The following SOX10 variants were observed in gnomAD, a reference collection of about 807,000 sequenced individuals.
SOX10 encodes SRY-box transcription factor 10, also known as transcription factor SOX-10.
In SOX10, 3 loss-of-function variants were observed where a neutral mutation model predicts 35.0. That is an observed-to-expected ratio of 0.09 (90% confidence interval 0.04 to 0.22). The LOEUF (loss-of-function observed/expected upper bound fraction) is 0.22. Among genes scored for constraint, SOX10 ranks in the 10% least tolerant of loss-of-function variants. The pLI, the probability that SOX10 is intolerant of heterozygous loss-of-function variation, is 1.00. For synonymous variants in SOX10, 285 were observed against 291.0 expected, an observed-to-expected ratio of 0.98 and a Z score of 0.21; for missense variants, 436 against 655.1, an observed-to-expected ratio of 0.67 and a Z score of 3.65.
chr22:37,982,653 A>G (rs1487783227), intron 2 of SOX10, among the ~76,000 whole-genome samples: 2 of 152,086 alleles, frequency 1.3e-5, no homozygotes, highest in African/African-American at 4.8e-5. Flanking sequence ...CTGGCAGGGA[A>G]GATGGCGCCG....
Position 37,972,379 on chromosome 22 carries a change from G to C in SOX10, c.*1116C>G. The C allele has an allele frequency of 2.1e-6, 1 of 482,876 alleles. No individual in the cohort carries two copies. 29.9% of individuals were successfully genotyped at this position (482,876 alleles called of 1,614,324 possible). On this transcript the variant is annotated 3_prime_UTR_variant, in exon 4 of 4. Transcript: ENST00000396884. ...GAGTTAATAGGGGCTAGAGTGGCTA[G>C]GAGAGGGGACTACTGAGATAAATAA...
rs1259330404 is a variant in SOX10, at chr22:37,974,422, G to A, written c.698-224C>T. On this transcript the variant is annotated intron_variant, in intron 3 of 3. Coordinates refer to ENST00000396884, the MANE Select transcript of SOX10 (RefSeq NM_006941.4). The surrounding 1 kb of genome is among the most constrained non-coding windows in gnomAD (Gnocchi z 5.4). ...GACTGGAGTGCAGTGGCGCCATCTCGGCTCACTGCAACCTCTGCCTCCTGG... is the reference window on the plus strand; with the variant it reads ...GACTGGAGTGCAGTGGCGCCATCTCAGCTCACTGCAACCTCTGCCTCCTGG... Among the ~76,000 whole-genome samples, 2 of 149,968 alleles carry A rather than the reference G, an allele frequency of 1.3e-5. No individual in the cohort carries two copies. The highest frequency in any genetic ancestry group is 2.5e-5 in the African/African-American group (1 of 40,196).
intron 3 of SOX10, among the ~76,000 whole-genome samples, chr22:37,975,603 G>A (rs1452958734): frequency 6.6e-6 from 1 of 152,196 alleles, no homozygotes; most frequent in Non-Finnish European, 1.5e-5. Context: ...AGCTCCCCAA[G>A]GACAGGCCTG....
In SOX10 at chr22:37,973,779, G is replaced by C; in HGVS notation, c.1117C>G (p.Pro373Ala). The change falls in exon 4 of 4, where the codon CCA (proline) becomes GCA (alanine). Residue 373 changes from proline to alanine, a missense_variant. Physicochemically the swap from Pro to Ala is conservative, Grantham distance 27. Around this residue, in one of 3 missense-constraint regions of SOX10, gnomAD observed 285 missense variants for 402.9 expected, o/e 0.71. Transcript: ENST00000396884. ...PQGPPHYTDQ[P>A]STSQIAYTSL... ...GTGTAGGCGATCTGTGAGGTGGATG[G>C]CTGGTCGGTGTAGTGTGGGGGCCCC... The C allele has an allele frequency of 6.3e-7, 1 of 1,595,376 alleles. No individual in the cohort carries two copies. The highest frequency in any genetic ancestry group is 8.6e-7 in the Non-Finnish European group (1 of 1,168,342).
chr22:37,977,869 G>A lies in SOX10; in HGVS notation c.695C>T (p.Ser232Leu). The A allele has an allele frequency of 6.2e-7, 1 of 1,610,630 alleles. No individual in the cohort carries two copies. Among genetic ancestry groups the A allele is most frequent in the Non-Finnish European group, 8.5e-7 (1 of 1,178,470 alleles). The change falls in exon 3 of 4, where the codon TCA becomes TTA. Residue 232 changes from serine (S) to leucine (L), a missense_variant and splice_region_variant. Around this residue, in one of 3 missense-constraint regions of SOX10, gnomAD observed 285 missense variants for 402.9 expected, o/e 0.71. Coordinates refer to ENST00000396884, the MANE Select transcript of SOX10 (RefSeq NM_006941.4). Reference sequence around the variant, plus strand: ...TCAGCTCTGTCATCAGCACTCACCTGAGGGGTGCTCGGGGTTCCCATCTGA... The same window carrying A: ...TCAGCTCTGTCATCAGCACTCACCTAAGGGGTGCTCGGGGTTCCCATCTGA... ...PMSDGNPEHP[S>L]GQSHGPPTPP...
In SOX10 at chr22:37,973,824, T is replaced by C. The variant is rs1340843900; in HGVS notation, c.1072A>G (p.Thr358Ala). 2 of 1,604,286 alleles carry C rather than the reference T, an allele frequency of 1.2e-6. No individual in the cohort carries two copies. Among genetic ancestry groups the C allele is most frequent in the East Asian group, 4.5e-5 (2 of 44,642 alleles). ...GGCCCCTGGGGCCCCGCGGTCTCTG[T>C]CTTCACCTGGGCTTTGGCATCCACA... ...PGVDAKAQVK[T>A]ETAGPQGPPH... The change falls in exon 4 of 4, where the codon ACA (threonine) becomes GCA (alanine). Residue 358 changes from threonine to alanine, a missense_variant. Around this residue, in one of 3 missense-constraint regions of SOX10, gnomAD observed 285 missense variants for 402.9 expected, o/e 0.71. Transcript: ENST00000396884.
Position 37,984,089 on chromosome 22 carries a change from T to C in SOX10, c.-84-221A>G, listed in dbSNP as rs1932496443. ...CCGTCTCTTGGTGTGGGTGGCTTTT[T>C]TTTTAGCCTCCTTTTTTGGGTGGAG... On this transcript the variant is annotated intron_variant, in intron 1 of 3. Transcript: ENST00000396884. This position sits in a 1 kb window ranked among gnomAD's most constrained non-coding sequence, Gnocchi z 4.4. 4.2e-6 allele frequency: 1 copy of C among 236,432 alleles called. No homozygotes were observed. Among genetic ancestry groups the C allele is most frequent in the East Asian group, 8.9e-5 (1 of 11,224 alleles). The allele number at this position is 236,432 out of a possible 1,614,324, so 14.6% of individuals were successfully genotyped here.
In SOX10 at chr22:37,983,630, C is replaced by T; in HGVS notation, c.155G>A (p.Gly52Asp). The T allele has an allele frequency of 1.2e-6, 2 of 1,603,536 alleles. No individual in the cohort carries two copies. Among genetic ancestry groups the T allele is most frequent in the Non-Finnish European group, 1.7e-6 (2 of 1,178,348 alleles). Reference protein sequence around the residue: ...LRASPGPGELGKVKKEQQDGE... With the variant: ...LRASPGPGELDKVKKEQQDGE... ...GTCCTGCTGCTCCTTCTTGACCTTG[C>T]CCAGCTCGCCTGGCCCCGGGCTGGC... Residue 52 changes from glycine (G) to aspartate (D), a missense_variant, in exon 2 of 4, where the codon GGC (glycine) becomes GAC (aspartate). Gly to Asp is a moderately conservative substitution (Grantham distance 94, BLOSUM62 -1). Coordinates refer to ENST00000396884, the MANE Select transcript of SOX10 (RefSeq NM_006941.4). The surrounding 1 kb of genome is among the most constrained non-coding windows in gnomAD (Gnocchi z 9.5).
intron 3 of SOX10, among the ~76,000 whole-genome samples, chr22:37,975,243 G>A (rs1452398551): frequency 1.3e-5 from 2 of 152,184 alleles, no homozygotes; most frequent in Non-Finnish European, 2.9e-5. Flanking sequence ...AAAGCTCATA[G>A]TCTAGTCATA....
intron 3 of SOX10, among the ~76,000 whole-genome samples, chr22:37,976,819 A>T (rs1932234412): frequency 6.6e-6 from 1 of 152,158 alleles, no homozygotes; most frequent in Non-Finnish European, 1.5e-5. Context: ...GTTAGCTGTT[A>T]TTATCATTAA....
rs1412445337 is a variant in SOX10, at chr22:37,977,987, C to A, written c.577G>T (p.Gly193Trp). The A allele has an allele frequency of 8.7e-6, 14 of 1,611,994 alleles. No individual in the cohort carries two copies. Among genetic ancestry groups the A allele is most frequent in the Non-Finnish European group, 1.2e-5 (14 of 1,179,862 alleles). Reference sequence around the variant, plus strand: ...GCGGTCCCACCTTGCTCGGCCTCCCCACCGGGGCACTCCGCCTCGCCCTGG... The same window carrying A: ...GCGGTCCCACCTTGCTCGGCCTCCCAACCGGGGCACTCCGCCTCGCCCTGG... ...AAQGEAECPG[G>W]EAEQGGTAAI... Residue 193 changes from glycine (G) to tryptophan (W), a missense_variant, in exon 3 of 4, where the codon GGG (glycine) becomes TGG (tryptophan). Gly to Trp is a radical substitution (Grantham distance 184). This residue lies in a region of SOX10 where 285 missense variants were observed against 402.9 expected (regional missense o/e 0.71). Transcript: ENST00000396884.
At position 37,983,218 on chromosome 22, in the gene SOX10, C is replaced by G; in HGVS notation, c.428+139G>C. On this transcript the variant is annotated intron_variant, in intron 2 of 3. Transcript: ENST00000396884. This position sits in a 1 kb window ranked among gnomAD's most constrained non-coding sequence, Gnocchi z 9.5. ...GTGATGGAAGGGCGGGCGCGGCCCC[C>G]ACACCTGGTCTTCCAGCCCTATCCA... 1 of 1,058,276 alleles carries G rather than the reference C, an allele frequency of 9.4e-7. No homozygotes were observed. The highest frequency in any genetic ancestry group is 1.4e-5 in the South Asian group (1 of 73,158). 65.6% of individuals were successfully genotyped at this position (1,058,276 alleles called of 1,614,324 possible).
At chr22:37,981,250 CAGG>C (rs1394532675) in intron 2 of SOX10, among the ~76,000 whole-genome samples, 2 of 152,226 alleles carry the variant, frequency 1.3e-5, no homozygotes, top group Admixed American at 6.5e-5. Context: ...GGGGAGGTTT[CAGG>C]AGAAGCCCCT....
chr22:37,983,817 C>T lies in SOX10; in HGVS notation c.-33G>A, dbSNP rs973897229. ...CCGGCCGCCGCCGCCGCCGCCTCGG[C>T]CGCCTCCCCCGGGCCAGCCGCCGGG... On this transcript the variant is annotated 5_prime_UTR_variant, in exon 2 of 4. Transcript: ENST00000396884. This position sits in a 1 kb window ranked among gnomAD's most constrained non-coding sequence, Gnocchi z 9.5. 7.9e-6 allele frequency: 11 copies of T among 1,398,374 alleles called. No individual in the cohort carries two copies. Among genetic ancestry groups the T allele is most frequent in the Non-Finnish European group, 1.0e-5 (11 of 1,074,670 alleles). 86.6% of individuals were successfully genotyped at this position (1,398,374 alleles called of 1,614,324 possible).
rs1398256236 is a variant in SOX10, at chr22:37,980,046, TC to T, written c.429-1912del. 6.6e-6 allele frequency among the ~76,000 whole-genome samples: 1 copy of T among 151,678 alleles called. No individual in the cohort carries two copies. The highest frequency in any genetic ancestry group is 1.5e-5 in the Non-Finnish European group (1 of 67,928). ...TCTGCGGCTTAGCCTCCCTGTCTACTCCCCCCACCCCGGCCCTGAGCCCAGC... is the reference window on the plus strand; with the variant it reads ...TCTGCGGCTTAGCCTCCCTGTCTACTCCCCCACCCCGGCCCTGAGCCCAGC... On this transcript the variant is annotated intron_variant, in intron 2 of 3. Coordinates refer to ENST00000396884, the MANE Select transcript of SOX10 (RefSeq NM_006941.4). This position sits in a 1 kb window ranked among gnomAD's most constrained non-coding sequence, Gnocchi z 4.1.
Position 37,973,758 on chromosome 22 carries a change from A to G in SOX10, c.1138T>C (p.Tyr380His). ...TDQPSTSQIA[Y>H]TSLSLPHYGS... is the part of the protein sequence containing the mutation. ...TAGTGGGGCAGGCTGAGGGAGGTGT[A>G]GGCGATCTGTGAGGTGGATGGCTGG... is the stretch of plus-strand genomic sequence containing the variant. The change falls in exon 4 of 4, where the codon TAC becomes CAC. Residue 380 changes from tyrosine to histidine, a missense_variant. Tyr to His is a moderately conservative substitution (Grantham distance 83). Transcript: ENST00000396884. The G allele has an allele frequency of 6.3e-7, 1 of 1,598,512 alleles. No homozygotes were observed. Among genetic ancestry groups the G allele is most frequent in the Non-Finnish European group, 8.5e-7 (1 of 1,170,076 alleles).
chr22:37,981,830 C>A (rs867993038), intron 2 of SOX10, among the ~76,000 whole-genome samples: 1 of 152,216 alleles, frequency 6.6e-6, no homozygotes, highest in African/African-American at 2.4e-5. Context: ...GTCCACACAG[C>A]GGGCTGGTCG....
chr22:37,976,362 T>A (rs1037754713), intron 3 of SOX10, among the ~76,000 whole-genome samples: 4 of 152,208 alleles, frequency 2.6e-5, no homozygotes, highest in African/African-American at 9.6e-5. Flanking sequence ...TGCCTAGCTT[T>A]GTTTCTTCCT....
chr22:37,981,841 C>T (rs1932407098), intron 2 of SOX10, among the ~76,000 whole-genome samples: 1 of 152,210 alleles, frequency 6.6e-6, no homozygotes, highest in African/African-American at 2.4e-5. Context: ...GGGCTGGTCG[C>T]TGAGCCCTGG....
Sources: gnomAD v4.1 joint callset for allele counts (sites outside exome capture counted in the v4.1 genomes callset) on GRCh38, gnomAD v4.1.1 for gene constraint, gnomAD v4.1.1 regional missense constraint, Gnocchi (gnomAD v3.1) non-coding constraint, MANE v1.5 for transcripts, NCBI Gene and HGNC (gene_info 2026-07-23, HGNC 2026-07-21) for gene names.